The following PIP4P2 variants were observed in gnomAD, a reference collection of about 807,000 sequenced individuals.
PIP4P2 encodes phosphatidylinositol-4,5-bisphosphate 4-phosphatase 2.
A neutral mutation model predicts 33.3 loss-of-function variants in PIP4P2; 19 were observed. The ratio of observed to expected loss-of-function variants is 0.57; its 90% CI spans 0.40 to 0.84. The LOEUF is 0.84. Ranked by LOEUF, PIP4P2 falls within the 40% of genes least tolerant of loss-of-function variation. The pLI, the probability that PIP4P2 is intolerant of heterozygous loss-of-function variation, is 0.00. For missense variants in PIP4P2, 270 were observed against 324.7 expected, an observed-to-expected ratio of 0.83 and a Z score of 1.29; for synonymous variants, 110 against 111.9, an observed-to-expected ratio of 0.98 and a Z score of 0.11.
chr8:91,040,815 A>G lies in PIP4P2; in HGVS notation c.-66T>C, dbSNP rs981085969. The G allele has an allele frequency of 1.0e-5, 15 of 1,441,582 alleles. No individual in the cohort carries two copies. The highest frequency in any genetic ancestry group is 2.4e-4 in the Middle Eastern group (1 of 4,136). 89.3% of individuals were successfully genotyped at this position (1,441,582 alleles called of 1,614,324 possible). A position where few individuals can be genotyped will look rare whatever the true frequency, so the allele number is the denominator to read the frequency against. On this transcript the variant is annotated 5_prime_UTR_variant, in exon 1 of 7. Transcript: ENST00000285419. ...TTGCGGCCTCGGCGGAGTGGTGGCT[A>G]CTGCTGCTGCCTCTGCTGCCGCTGC...
chr8:91,004,736 A>G (rs1811745350), intron 5 of PIP4P2, among the ~76,000 whole-genome samples: 1 of 152,194 alleles, frequency 6.6e-6, no homozygotes, highest in Non-Finnish European at 1.5e-5. Context: ...AAATGAAGTG[A>G]GCATGGATAA....
At chr8:91,024,240 A>C (rs1812051341) in intron 1 of PIP4P2, 1 of 399,712 alleles carries the variant, frequency 2.5e-6, no homozygotes, top group Non-Finnish European at 5.0e-6. Context: ...ACTGATTTAG[A>C]CAGATTATTT....
chr8:91,004,294 A>G (rs1160412854), intron 5 of PIP4P2, among the ~76,000 whole-genome samples: 2 of 151,862 alleles, frequency 1.3e-5, no homozygotes, highest in Non-Finnish European at 2.9e-5. Context: ...AAGTTCCAGA[A>G]GAGTGAAAAT....
At chr8:90,998,339 A>G (rs1203702596) in intron 5 of PIP4P2, among the ~76,000 whole-genome samples, 15 of 152,192 alleles carry the variant, frequency 9.9e-5, no homozygotes, top group Admixed American at 9.2e-4. Flanking sequence ...TTCTGCTTAG[A>G]AAACCTGTGC....
chr8:91,010,498 A>G (rs886945028), intron 4 of PIP4P2, among the ~76,000 whole-genome samples: 1 of 151,944 alleles, frequency 6.6e-6, no homozygotes, highest in African/African-American at 2.4e-5. Context: ...GCATGATAAA[A>G]TCAATGATAA....
At chr8:90,997,606 T>G (rs1302856543) in intron 5 of PIP4P2, among the ~76,000 whole-genome samples, 1 of 152,116 alleles carries the variant, frequency 6.6e-6, no homozygotes, top group African/African-American at 2.4e-5. Flanking sequence ...TGATATAAGT[T>G]ATAGCAGAGA....
chr8:91,025,170 A>T (rs1411489974), intron 1 of PIP4P2, among the ~76,000 whole-genome samples: 2 of 151,050 alleles, frequency 1.3e-5, no homozygotes, highest in South Asian at 2.2e-4. Context: ...TAAGAGGAAG[A>T]GGAGAAGGAA....
chr8:91,014,068 T>C (rs1379923822), intron 4 of PIP4P2, among the ~76,000 whole-genome samples: 1 of 152,202 alleles, frequency 6.6e-6, no homozygotes, highest in Non-Finnish European at 1.5e-5. Flanking sequence ...TTTTGAAATG[T>C]ATAATACCAT....
At chr8:91,013,366 G>A (rs1173342007) in intron 4 of PIP4P2, among the ~76,000 whole-genome samples, 1 of 152,072 alleles carries the variant, frequency 6.6e-6, no homozygotes, top group Non-Finnish European at 1.5e-5. Context: ...TCCAGAAGTA[G>A]GTTGAAACAA....
chr8:91,040,520 T>G (rs1586190286), intron 1 of PIP4P2, 124 bp downstream of exon 1: 2 of 1,117,232 alleles, frequency 1.8e-6, no homozygotes, highest in African/African-American at 3.1e-5. Context: ...GTCAGCATCC[T>G]TCCTCAGCCC....
At chr8:91,014,222 A>G (rs967504873) in intron 4 of PIP4P2, among the ~76,000 whole-genome samples, 6 of 152,142 alleles carry the variant, frequency 3.9e-5, no homozygotes, top group African/African-American at 1.4e-4. Flanking sequence ...CTTCACACTG[A>G]AAGACCCAGA....
rs775249229 is a variant in PIP4P2 at position 91,040,787 on chromosome 8, G to T, written c.-38C>A. Reference sequence around the variant, plus strand: ...GGCGGGGCCTGGGGAGGCCGAGCCGGGGTTGCGGCCTCGGCGGAGTGGTGG... The same window carrying T: ...GGCGGGGCCTGGGGAGGCCGAGCCGTGGTTGCGGCCTCGGCGGAGTGGTGG... On this transcript the variant is annotated 5_prime_UTR_variant, in exon 1 of 7. Coordinates refer to ENST00000285419, the MANE Select transcript of PIP4P2 (RefSeq NM_018710.3). 6.3e-7 allele frequency: 1 copy of T among 1,594,152 alleles called. No individual in the cohort carries two copies. The highest frequency in any genetic ancestry group is 8.6e-7 in the Non-Finnish European group (1 of 1,166,882).
At chr8:91,013,483 A>G (rs563936334) in intron 4 of PIP4P2, among the ~76,000 whole-genome samples, 1 of 152,298 alleles carries the variant, frequency 6.6e-6, no homozygotes, top group African/African-American at 2.4e-5. Flanking sequence ...AATTCATTTA[A>G]TATCTATTGG....
chr8:91,029,884 G>A (rs1447661235), intron 1 of PIP4P2, among the ~76,000 whole-genome samples: 4 of 151,958 alleles, frequency 2.6e-5, no homozygotes, highest in South Asian at 2.1e-4. Context: ...GGAGAATGGC[G>A]TGAACCTGGG....
intron 5 of PIP4P2, among the ~76,000 whole-genome samples, chr8:91,005,793 T>C (rs769326060): frequency 5.3e-5 from 8 of 152,254 alleles, no homozygotes; most frequent in Non-Finnish European, 1.2e-4. Flanking sequence ...ATTAAATCAA[T>C]GTCTCTACTA....
intron 1 of PIP4P2, among the ~76,000 whole-genome samples, chr8:91,033,685 C>T (rs2130382191): frequency 6.6e-6 from 1 of 152,274 alleles, no homozygotes; most frequent in South Asian, 2.1e-4. Context: ...AGAAATCTCC[C>T]CTGGGCTTCC....
At position 91,021,395 on chromosome 8, in the gene PIP4P2, G is replaced by C; in HGVS notation, c.116C>G (p.Pro39Arg). 1 of 1,613,542 alleles carries C rather than the reference G, an allele frequency of 6.2e-7. No individual in the cohort carries two copies. Among genetic ancestry groups the C allele is most frequent in the Non-Finnish European group, 8.5e-7 (1 of 1,179,662 alleles). The change falls in exon 2 of 7, where the codon CCA becomes CGA. Residue 39 changes from proline to arginine, a missense_variant. Physicochemically the swap from Pro to Arg is moderately radical, Grantham distance 103. Transcript: ENST00000285419. ...LQESSPRAELPPPYTAIASPD... is the reference protein window; with the variant it reads ...LQESSPRAELRPPYTAIASPD... ...ACTGGCAATGGCTGTATATGGAGGT[G>C]GGAGCTCCGCTGAAAAGATATTAGT...
At chr8:91,029,178 C>A (rs141644980) in intron 1 of PIP4P2, among the ~76,000 whole-genome samples, 4 of 151,934 alleles carry the variant, frequency 2.6e-5, no homozygotes, top group Non-Finnish European at 5.9e-5. Flanking sequence ...GCAATCCTAG[C>A]GACTCGGGAG....
intron 3 of PIP4P2, 139 bp from the exon 4 acceptor site, chr8:91,018,652 A>G: frequency 2.3e-6 from 3 of 1,315,906 alleles, no homozygotes; most frequent in Admixed American, 2.2e-5. Flanking sequence ...TGGAGGCAAA[A>G]CTACAAAGAG....
Sources: gnomAD v4.1 joint callset for allele counts (sites outside exome capture counted in the v4.1 genomes callset) on GRCh38, gnomAD v4.1.1 for gene constraint, MANE v1.5 for transcripts, NCBI Gene and HGNC (gene_info 2026-07-23, HGNC 2026-07-21) for gene names.